GAB2: variants seen among roughly 807,000 people sequenced by gnomAD.
GAB2 encodes the protein GRB2-associated-binding protein 2.
In GAB2, 26 loss-of-function variants were observed where a neutral mutation model predicts 65.5. That is an observed-to-expected ratio of 0.40 (90% CI 0.29 to 0.55). The LOEUF is 0.55. Among genes scored for constraint, GAB2 ranks in the 20% least tolerant of loss-of-function variants. The pLI, the probability that GAB2 is intolerant of heterozygous loss-of-function variation, is 0.53. For synonymous variants in GAB2, 321 were observed against 329.6 expected, an observed-to-expected ratio of 0.97 and a Z score of 0.28; for missense variants, 884 against 875.8, an observed-to-expected ratio of 1.01 and a Z score of -0.12.
At chr11:78,255,169 A>G (rs915345992) in intron 2 of GAB2, among the ~76,000 whole-genome samples, 2 of 152,114 alleles carry the variant, frequency 1.3e-5, no homozygotes, top group Non-Finnish European at 2.9e-5. Flanking sequence ...CAAGGTAGAG[A>G]TCGAAATGAT....
intron 3 of GAB2, among the ~76,000 whole-genome samples, chr11:78,235,130 T>C (rs1458250231): frequency 6.6e-6 from 1 of 152,056 alleles, no homozygotes; most frequent in Non-Finnish European, 1.5e-5. Flanking sequence ...CTACAGCCGG[T>C]TTGATTTTCT....
At chr11:78,352,588 G>A (rs1234386784) in intron 1 of GAB2, among the ~76,000 whole-genome samples, 2 of 152,170 alleles carry the variant, frequency 1.3e-5, no homozygotes, top group Non-Finnish European at 2.9e-5. Context: ...CAGAGGACTG[G>A]TGGAGATCTG....
intron 2 of GAB2, among the ~76,000 whole-genome samples, chr11:78,269,709 T>C (rs1393913606): frequency 1.3e-5 from 2 of 152,204 alleles, no homozygotes; most frequent in Admixed American, 6.5e-5. Context: ...TAAGGATTAC[T>C]AGAAGTTTAA....
At position 78,219,050 on chromosome 11, in the gene GAB2, T is replaced by C; in HGVS notation, c.*222A>G. 3 of 539,360 alleles carry C rather than the reference T, an allele frequency of 5.6e-6. No homozygotes were observed. The South Asian group carries it at 8.1e-5, about 14-fold the overall frequency. The allele number at this position is 539,360 out of a possible 1,614,324, so 33.4% of individuals were successfully genotyped here. ...TGGGTGGAGGCATGGCCATTACTGA[T>C]AAAAATCACAGCTGGGCCCCGAGTG... On this transcript the variant is annotated 3_prime_UTR_variant, in exon 10 of 10. Coordinates refer to ENST00000361507, the MANE Select transcript of GAB2 (RefSeq NM_080491.3).
chr11:78,354,953 G>A (rs73500957), intron 1 of GAB2, among the ~76,000 whole-genome samples: 3,748 of 152,300 alleles, frequency 0.025, 124 homozygotes, highest in African/African-American at 0.078. Context: ...CCCAGTTGAG[G>A]AGAGAAGAAA....
intron 1 of GAB2, among the ~76,000 whole-genome samples, chr11:78,412,519 A>C (rs1008479651): frequency 2.6e-5 from 4 of 152,220 alleles, no homozygotes; most frequent in African/African-American, 7.2e-5. Context: ...ATGGTAGTGA[A>C]TACGATTATA....
rs56709163 is a variant in GAB2 at position 78,322,298 on chromosome 11, CAAAAAAAAAAAAA to C, written c.76-41410_76-41398del. Reference sequence around the variant, plus strand: ...TGGCTGACAGAGGGAGACTCTGTCTCAAAAAAAAAAAAAAAAAAAAAAAAAAAAAAGTAAGATC... The same window carrying C: ...TGGCTGACAGAGGGAGACTCTGTCTCAAAAAAAAAAAAAAAAAGTAAGATC... On this transcript the variant is annotated intron_variant, in intron 1 of 9. Coordinates refer to ENST00000361507, the MANE Select transcript of GAB2 (RefSeq NM_080491.3). 4.1e-4 allele frequency among the ~76,000 whole-genome samples: 5 copies of C among 12,064 alleles called. 1 individual carries two copies. Among genetic ancestry groups the C allele is most frequent in the South Asian group, 8.9e-3 (2 of 224 alleles). 7.9% of individuals were successfully genotyped at this position (12,064 alleles called of 152,430 possible).
At chr11:78,343,585 C>T (rs2134694480) in intron 1 of GAB2, among the ~76,000 whole-genome samples, 1 of 152,250 alleles carries the variant, frequency 6.6e-6, no homozygotes, top group Admixed American at 6.5e-5. Context: ...TCATAATCCA[C>T]CCAAAGAAGC....
intron 1 of GAB2, among the ~76,000 whole-genome samples, chr11:78,309,967 TGTGTGCGC>T (rs1565153885): frequency 1.1e-4 from 11 of 101,258 alleles, no homozygotes; most frequent in African/African-American, 3.3e-4. Flanking sequence ...TGTGTGTGTG[TGTGTGCGC>T]GCGCGCCTGT....
intron 1 of GAB2, among the ~76,000 whole-genome samples, chr11:78,382,286 T>C (rs574677244): frequency 2.4e-4 from 36 of 152,300 alleles, no homozygotes; most frequent in Admixed American, 7.2e-4. Flanking sequence ...CTGTATCATT[T>C]ACATCCCCAG....
intron 1 of GAB2, among the ~76,000 whole-genome samples, chr11:78,284,385 CA>C (rs1866416079): frequency 6.6e-6 from 1 of 152,248 alleles, no homozygotes; most frequent in Non-Finnish European, 1.5e-5. Flanking sequence ...TCACCATCTG[CA>C]ATGGCTGTTC....
At chr11:78,294,204 T>C (rs1866761579) in intron 1 of GAB2, among the ~76,000 whole-genome samples, 1 of 152,188 alleles carries the variant, frequency 6.6e-6, no homozygotes. Flanking sequence ...TTGCTGAGAA[T>C]GATGGTTTCC....
chr11:78,296,695 C>G (rs894553655), intron 1 of GAB2, among the ~76,000 whole-genome samples: 7 of 152,144 alleles, frequency 4.6e-5, no homozygotes, highest in Admixed American at 2.0e-4. Context: ...TCAGGAGACT[C>G]AGATGTTTTC....
chr11:78,320,072 C>T (rs1855693815), intron 1 of GAB2, among the ~76,000 whole-genome samples: 2 of 152,202 alleles, frequency 1.3e-5, no homozygotes, highest in Non-Finnish European at 2.9e-5. Context: ...TGGGGTTTCG[C>T]CATGTTGGCC....
At chr11:78,244,300 G>T (rs1865228927) in intron 3 of GAB2, among the ~76,000 whole-genome samples, 1 of 152,032 alleles carries the variant, frequency 6.6e-6, no homozygotes, top group Admixed American at 6.6e-5. Flanking sequence ...GCTAAGCCAG[G>T]AGAGTCATTT....
In GAB2 at chr11:78,300,516, T is replaced by TAAAAAAA. The variant is rs138790128; in HGVS notation, c.76-19622_76-19616dup. ...CATAGTAAGTCTACGTTTAATTTTA[T>TAAAAAAA]AAAAAAACAAAAAAACAAAAAACTA... On this transcript the variant is annotated intron_variant, in intron 1 of 9. Coordinates refer to ENST00000361507, the MANE Select transcript of GAB2 (RefSeq NM_080491.3). Among the ~76,000 whole-genome samples the TAAAAAAA allele has an allele frequency of 9.1e-5, 13 of 142,876 alleles. No homozygotes were observed. In the East Asian group the frequency reaches 1.8e-3, roughly 20 times the overall value. The allele number at this position is 142,876 out of a possible 152,430, so 93.7% of individuals were successfully genotyped here.
chr11:78,269,338 G>A (rs1470091379), intron 2 of GAB2, among the ~76,000 whole-genome samples: 1 of 152,208 alleles, frequency 6.6e-6, no homozygotes, highest in Non-Finnish European at 1.5e-5. Context: ...GAGGGAATGA[G>A]GGAGGAAAAG....
intron 1 of GAB2, among the ~76,000 whole-genome samples, chr11:78,364,415 A>G (rs1028543497): frequency 1.3e-5 from 2 of 152,252 alleles, no homozygotes; most frequent in Non-Finnish European, 2.9e-5. Context: ...TGTCTTTTAA[A>G]TTGTAGCACA....
chr11:78,343,883 CA>C (rs1227745295), intron 1 of GAB2, among the ~76,000 whole-genome samples: 1 of 151,920 alleles, frequency 6.6e-6, no homozygotes, highest in African/African-American at 2.4e-5. Context: ...TTGATACTTG[CA>C]GCACATCTCA....
Sources: allele counts gnomAD v4.1 joint callset (sites outside exome capture counted in the v4.1 genomes callset), GRCh38; gene constraint gnomAD v4.1.1; transcripts MANE v1.5; gene names NCBI Gene and HGNC (gene_info 2026-07-23, HGNC 2026-07-21).